NEB: variants seen among roughly 807,000 people sequenced by gnomAD.
NEB encodes the protein nemaline myopathy type 2.
A neutral mutation model predicts 952.2 loss-of-function variants in NEB; 512 were observed. The ratio of observed to expected loss-of-function variants is 0.54; its 90% CI spans 0.50 to 0.58. The LOEUF (loss-of-function observed/expected upper bound fraction) is 0.58, where lower values mean the gene tolerates loss of function less well. NEB is among the 20% of genes least tolerant of loss of function. The pLI, the probability that NEB is intolerant of heterozygous loss-of-function variation, is 0.00. For missense variants in NEB, 8,428 were observed against 9,231.1 expected (o/e 0.91, Z 3.56); for synonymous variants, 2,900 against 3,149.8 (o/e 0.92, Z 2.66).
chr2:151,546,490 T>C (rs1348108339), intron 133 of NEB, 47 bp from the exon 134 acceptor site: 19 of 1,252,796 alleles, frequency 1.5e-5, no homozygotes, highest in Non-Finnish European at 2.2e-5. Context: ...CAAATGTAAG[T>C]CAGGAAACAC....
Position 151,690,754 on chromosome 2 carries a change from G to A in NEB, c.2283C>T (p.Ala761=), listed in dbSNP as rs373946448. 293 of 1,597,424 alleles carry A rather than the reference G, an allele frequency of 1.8e-4. No homozygotes were observed. In the African/African-American group the frequency reaches 3.5e-3, roughly 19 times the overall value. ...CACTAAGCTGTTTCGTGTTGAGCTG[G>A]GCTTGCAACAGTACAGGAGAATCAG... The part of the protein sequence containing the change: ...AVTDSPVLLQ[A]QLNTKQLSDL... The change falls in exon 24 of 182, where the codon GCC becomes GCT. Residue 761 remains alanine, a synonymous_variant. Transcript: ENST00000397345.
intron 13 of NEB, among the ~76,000 whole-genome samples, chr2:151,701,992 T>C (rs1487356106): frequency 1.3e-5 from 2 of 148,846 alleles, no homozygotes; most frequent in African/African-American, 5.0e-5. Context: ...TGCTTTCTCT[T>C]GTGGGCATTT....
intron 176 of NEB, chr2:151,492,752 G>A (rs1188308756): frequency 6.8e-6 from 2 of 293,724 alleles, no homozygotes; most frequent in African/African-American, 4.3e-5. Flanking sequence ...TTTGAAAAGA[G>A]AGTGACCTCT....
At chr2:151,667,367 G>T (rs2099232379) in intron 40 of NEB, among the ~76,000 whole-genome samples, 1 of 151,846 alleles carries the variant, frequency 6.6e-6, no homozygotes. Flanking sequence ...TTTTAAAAAA[G>T]AATTTTCTTC....
rs370534835 is a variant in NEB at position 151,680,720 on chromosome 2, T to G, written c.3042+10A>C. The stretch of plus-strand genomic sequence containing the variant: ...ACATCTATTAACATATAGATAGCAT[T>G]AACACTTACATCACTCCTCTGGGCC... On this transcript the variant is annotated intron_variant, in intron 30 of 181. Coordinates refer to ENST00000397345, the MANE Select transcript of NEB (RefSeq NM_001164508.2). 17 of 1,547,852 alleles carry G rather than the reference T, an allele frequency of 1.1e-5. No individual in the cohort carries two copies. In the South Asian group the frequency reaches 1.8e-4, roughly 17 times the overall value.
intron 20 of NEB, among the ~76,000 whole-genome samples, chr2:151,693,998 T>C (rs895527323): frequency 1.3e-5 from 2 of 152,230 alleles, no homozygotes; most frequent in African/African-American, 4.8e-5. Flanking sequence ...GGTGAATATA[T>C]ACATGCACAT....
intron 40 of NEB, among the ~76,000 whole-genome samples, chr2:151,667,302 G>T (rs1316206633): frequency 2.0e-5 from 3 of 151,794 alleles, no homozygotes; most frequent in African/African-American, 7.3e-5. Context: ...CAAATAAAAA[G>T]TGGTTTTTAA....
In NEB at chr2:151,494,288, G is replaced by GA. The variant is rs778555481; in HGVS notation, c.24487-36dup. ...TCCAATGGGTCCAAAAAGCCAAAAA[G>GA]AAAAAGAGTTAACAGTTACCAAAAA... On this transcript the variant is annotated intron_variant, in intron 173 of 181. Coordinates refer to ENST00000397345, the MANE Select transcript of NEB (RefSeq NM_001164508.2). The GA allele has an allele frequency of 1.1e-4, 160 of 1,404,984 alleles. 4 individuals are homozygous for GA. The Middle Eastern group carries it at 2.3e-3, about 20-fold the overall frequency. The allele number at this position is 1,404,984 out of a possible 1,614,324, so 87.0% of individuals were successfully genotyped here.
intron 71 of NEB, among the ~76,000 whole-genome samples, chr2:151,621,291 T>C (rs1383940857): frequency 6.6e-6 from 1 of 152,200 alleles, no homozygotes; most frequent in African/African-American, 2.4e-5. Flanking sequence ...CCTCTTAATG[T>C]GTTTAGATTG....
chr2:151,540,501 C>T (rs1394170303), intron 137 of NEB, 53 bp from the exon 138 acceptor site: 1 of 1,388,300 alleles, frequency 7.2e-7, no homozygotes, highest in Admixed American at 2.0e-5. Context: ...TCCCAATTTC[C>T]AACCAAGCCA....
At chr2:151,498,429 G>A in intron 169 of NEB, 77 bp from the exon 170 acceptor site, 1 of 1,021,370 alleles carries the variant, frequency 9.8e-7, no homozygotes, top group South Asian at 1.6e-5. Flanking sequence ...GCAGTTGGGA[G>A]TGGGAAGGGA....
intron 37 of NEB, chr2:151,671,454 G>A (rs957673254): frequency 2.0e-5 from 9 of 450,836 alleles, no homozygotes; most frequent in Non-Finnish European, 3.5e-5. Context: ...ATATTTTCAT[G>A]GGTACTGCTA....
Position 151,537,253 on chromosome 2 carries a change from A to C in NEB, c.21103-17T>G. ...ATATTTTACCTGGGAGAAGAAGAAC[A>C]TCAAAGAGTTCTAAGAAGCCATCTC... On this transcript the variant is annotated splice_polypyrimidine_tract_variant and intron_variant, in intron 140 of 181. Coordinates refer to ENST00000397345, the MANE Select transcript of NEB (RefSeq NM_001164508.2). 6.6e-7 allele frequency: 1 copy of C among 1,506,638 alleles called. No homozygotes were observed. The highest frequency in any genetic ancestry group is 9.2e-7 in the Non-Finnish European group (1 of 1,083,950). The allele number at this position is 1,506,638 out of a possible 1,614,324, so 93.3% of individuals were successfully genotyped here. A position where few individuals can be genotyped will look rare whatever the true frequency, so the allele number is the denominator to read the frequency against.
intron 37 of NEB, 57 bp from the exon 38 acceptor site, chr2:151,671,286 T>C (rs2099284823): frequency 2.8e-6 from 4 of 1,408,406 alleles, no homozygotes; most frequent in Non-Finnish European, 3.9e-6. Flanking sequence ...AAGGGATGTT[T>C]CTGGGATCTG....
At chr2:151,659,455 C>T (rs1179349187) in intron 46 of NEB, among the ~76,000 whole-genome samples, 1 of 152,058 alleles carries the variant, frequency 6.6e-6, no homozygotes, top group Non-Finnish European at 1.5e-5. Context: ...CATGCACTAC[C>T]ATGCCTGGCT....
At chr2:151,503,265 G>T in intron 166 of NEB, 84 bp downstream of exon 166, 1 of 995,612 alleles carries the variant, frequency 1.0e-6, no homozygotes, top group Non-Finnish European at 1.6e-6. Flanking sequence ...TTGCTGTTAA[G>T]ATGTTACTTT....
chr2:151,491,645 G>C (rs1402311621), intron 179 of NEB, 38 bp downstream of exon 179: 1 of 1,443,434 alleles, frequency 6.9e-7, no homozygotes, highest in South Asian at 1.2e-5. Context: ...ATACTAAATG[G>C]TGATGTTTAT....
At chr2:151,700,566 A>G (rs2099640761) in intron 13 of NEB, among the ~76,000 whole-genome samples, 7 of 39,516 alleles carry the variant, frequency 1.8e-4, no homozygotes, top group African/African-American at 5.6e-4. Context: ...GTTCTCCTTG[A>G]AGAGGTCCTT....
intron 10 of NEB, among the ~76,000 whole-genome samples, chr2:151,715,250 A>G (rs13387601): frequency 0.019 from 2,829 of 152,364 alleles, 116 homozygotes; most frequent in African/African-American, 0.065. Flanking sequence ...AACTTTAATA[A>G]TACAGTTTAC....
Sources: gnomAD v4.1 joint callset for allele counts (sites outside exome capture counted in the v4.1 genomes callset) on GRCh38, gnomAD v4.1.1 for gene constraint, MANE v1.5 for transcripts, NCBI Gene and HGNC (gene_info 2026-07-23, HGNC 2026-07-21) for gene names.